TKTL1: variants seen among roughly 807,000 people sequenced by gnomAD.
TKTL1 encodes transketolase-like protein 1.
In TKTL1, 1 loss-of-function variant was observed where a neutral mutation model predicts 39.3. The observed-to-expected ratio is 0.03, with a 90% CI of 0.01 to 0.12. The LOEUF (loss-of-function observed/expected upper bound fraction) is 0.12, where lower values mean the gene tolerates loss of function less well. Ranked by LOEUF, TKTL1 falls within the 10% of genes least tolerant of loss-of-function variation. The pLI is 1.00. For synonymous variants in TKTL1, 262 were observed against 193.8 expected (o/e 1.35, Z -2.92); for missense variants, 575 against 509.6 (o/e 1.13, Z -1.24).
rs2067339155 is a variant in TKTL1 at position 154,309,464 on chromosome X, C to T, written c.350+22C>T. On this transcript the variant is annotated intron_variant, in intron 3 of 12. Transcript: ENST00000369915. ...CCAGGTGAGGTTCTTCCCCAGAAGCCATTTAACTGCCCTACATCTACATCC... is the reference window on the plus strand; with the variant it reads ...CCAGGTGAGGTTCTTCCCCAGAAGCTATTTAACTGCCCTACATCTACATCC... 3 of 1,138,051 alleles carry T rather than the reference C, an allele frequency of 2.6e-6. No individual in the cohort carries two copies. In the African/African-American group the frequency reaches 5.4e-5, roughly 20 times the overall value. 93.8% of individuals were successfully genotyped at this position (1,138,051 alleles called of 1,213,427 possible). A position where few individuals can be genotyped will look rare whatever the true frequency, so the allele number is the denominator to read the frequency against.
At chrX:154,309,092 G>A (rs1203060219) in intron 2 of TKTL1, among the ~76,000 whole-genome samples, 13 of 111,084 alleles carry the variant, frequency 1.2e-4, no homozygotes, top group African/African-American at 3.9e-4. Flanking sequence ...GGATGTCTTC[G>A]TCACCTTAGT....
chrX:154,310,996 A>T lies in TKTL1; in HGVS notation c.511A>T (p.Asn171Tyr), dbSNP rs782236245. 2 of 1,212,129 alleles carry T rather than the reference A, an allele frequency of 1.6e-6. No homozygotes were observed. The highest frequency in any genetic ancestry group is 4.3e-5 in the Admixed American group (2 of 46,072). ...TGCATTGCCCGCCGAGCACTGCATA[A>T]ACATCTATCAGAGGCGCTGCGAAGC... is the stretch of plus-strand genomic sequence containing the variant. ...SGALPAEHCI[N>Y]IYQRRCEAFG... Residue 171 changes from asparagine (N) to tyrosine (Y), a missense_variant, in exon 4 of 13, where the codon AAC becomes TAC. Asn to Tyr is a moderately radical substitution (Grantham distance 143, BLOSUM62 -2). Transcript: ENST00000369915.
chrX:154,307,097 C>A (rs1476014444), intron 2 of TKTL1, among the ~76,000 whole-genome samples: 1 of 110,752 alleles, frequency 9.0e-6, no homozygotes, highest in Admixed American at 9.7e-5. Context: ...CATAGCAAGA[C>A]CCCAGTGTCT....
intron 1 of TKTL1, among the ~76,000 whole-genome samples, chrX:154,298,500 T>G (rs1557165158): frequency 8.9e-6 from 1 of 112,091 alleles, no homozygotes; most frequent in Non-Finnish European, 1.9e-5. Context: ...TCACTTGAGC[T>G]CAAGAGTTCA....
At chrX:154,316,542 C>T (rs2067401599) in intron 7 of TKTL1, among the ~76,000 whole-genome samples, 1 of 110,347 alleles carries the variant, frequency 9.1e-6, no homozygotes. Context: ...AACAGCGAGA[C>T]CCCATCTCAA....
chrX:154,305,757 C>T (rs1557167098), intron 2 of TKTL1, among the ~76,000 whole-genome samples: 1 of 110,296 alleles, frequency 9.1e-6, no homozygotes, highest in African/African-American at 3.3e-5. Context: ...GTGAATCCCA[C>T]TCACTGAGCC....
chrX:154,324,624 G>A (rs888014681), intron 9 of TKTL1, among the ~76,000 whole-genome samples: 4 of 111,496 alleles, frequency 3.6e-5, no homozygotes, highest in African/African-American at 6.5e-5. Context: ...CTCTGCTGGC[G>A]GAAGCGCTGC....
rs781992606 is a variant in TKTL1, at chrX:154,323,309, A to T, written c.1289A>T (p.His430Leu). 8.3e-7 allele frequency: 1 copy of T among 1,210,031 alleles called. No homozygotes were observed. The highest frequency in any genetic ancestry group is 1.7e-5 in the African/African-American group (1 of 57,176). ...CCAACTGATGCCGTCTCCACGGAGCATGCTGTTGCTCTGGCAGCCAATGCC... is the reference window on the plus strand; with the variant it reads ...CCAACTGATGCCGTCTCCACGGAGCTTGCTGTTGCTCTGGCAGCCAATGCC... ...FYPTDAVSTE[H>L]AVALAANAKG... Residue 430 changes from histidine (H) to leucine (L), a missense_variant, in exon 9 of 13, where the codon CAT (histidine) becomes CTT (leucine). Transcript: ENST00000369915.
At chrX:154,329,401 TC>T in intron 12 of TKTL1, 114 bp from the exon 13 acceptor site, 1 of 766,112 alleles carries the variant, frequency 1.3e-6, no homozygotes, top group East Asian at 3.2e-5. Flanking sequence ...GAGTGGCTGT[TC>T]ACATGAATCA....
chrX:154,327,793 TTC>T (rs781953211), intron 11 of TKTL1, 44 bp from the exon 12 acceptor site: 1 of 1,208,252 alleles, frequency 8.3e-7, no homozygotes, highest in African/African-American at 1.7e-5. Context: ...CTGCATGTTA[TTC>T]TGAGTCTCTT....
intron 1 of TKTL1, among the ~76,000 whole-genome samples, chrX:154,304,087 A>C (rs1200309895): frequency 9.0e-6 from 1 of 110,572 alleles, no homozygotes; most frequent in African/African-American, 3.3e-5. Flanking sequence ...GGGAGAGAGC[A>C]GAGGAGATGG....
chrX:154,303,295 C>G (rs1315079689), intron 1 of TKTL1, among the ~76,000 whole-genome samples: 2 of 103,662 alleles, frequency 1.9e-5, no homozygotes, highest in Non-Finnish European at 3.9e-5. Flanking sequence ...TCACTACAGC[C>G]TTGACCTCCT....
Position 154,312,700 on chromosome X carries a change from T to C in TKTL1, c.791T>C (p.Ile264Thr). ...AGGAATCTTGACCCACAGCCCCCCA[T>C]TGAGGACTCACCTGAAGTCAACATC... is the stretch of plus-strand genomic sequence containing the variant. ...TSRNLDPQPP[I>T]EDSPEVNITD... Residue 264 changes from isoleucine to threonine, a missense_variant, in exon 6 of 13, where the codon ATT becomes ACT. By Grantham distance (89) the Ile-to-Thr change is moderately conservative. Transcript: ENST00000369915. The C allele has an allele frequency of 1.7e-6, 2 of 1,211,523 alleles. No individual in the cohort carries two copies. Among genetic ancestry groups the C allele is most frequent in the Non-Finnish European group, 2.2e-6 (2 of 895,398 alleles).
intron 6 of TKTL1, among the ~76,000 whole-genome samples, chrX:154,313,865 T>A (rs2067376381): frequency 9.2e-6 from 1 of 108,354 alleles, no homozygotes; most frequent in Admixed American, 9.9e-5. Flanking sequence ...GTCCAGGAGT[T>A]TGAGGGGATA....
intron 1 of TKTL1, among the ~76,000 whole-genome samples, chrX:154,302,099 A>G (rs185772091): frequency 1.8e-5 from 2 of 110,352 alleles, no homozygotes; most frequent in East Asian, 5.7e-4. Flanking sequence ...TCTCACTTCT[A>G]TCGTAGGTTT....
chrX:154,318,062 C>CT (rs1318468604), intron 7 of TKTL1, among the ~76,000 whole-genome samples: 1 of 111,233 alleles, frequency 9.0e-6, no homozygotes, highest in African/African-American at 3.3e-5. Flanking sequence ...AAGCTAACAT[C>CT]TTTTTTTTAT....
chrX:154,309,575 C>T (rs1410135043), intron 3 of TKTL1, 133 bp downstream of exon 3: 7 of 551,932 alleles, frequency 1.3e-5, no homozygotes, highest in Non-Finnish European at 2.1e-5. Flanking sequence ...CCCGTGGTGA[C>T]CCCTCTGGAA....
At chrX:154,299,100 A>ACTTCTGTT (rs1459412086) in intron 1 of TKTL1, among the ~76,000 whole-genome samples, 1 of 94,816 alleles carries the variant, frequency 1.1e-5, no homozygotes, top group East Asian at 3.4e-4. Context: ...GGTATTTTGT[A>ACTTCTGTT]CTTCTGTTTT....
chrX:154,311,815 C>T (rs1292179571), intron 5 of TKTL1, among the ~76,000 whole-genome samples: 5 of 111,074 alleles, frequency 4.5e-5, no homozygotes, highest in Admixed American at 9.6e-5. Context: ...ACTCTGGTAC[C>T]CTCCGTTCAG....
Sources: gnomAD v4.1 joint callset for allele counts (sites outside exome capture counted in the v4.1 genomes callset) on GRCh38, gnomAD v4.1.1 for gene constraint, MANE v1.5 for transcripts, NCBI Gene and HGNC (gene_info 2026-07-23, HGNC 2026-07-21) for gene names.